The following SORCS3 variants were observed in gnomAD, a reference collection of about 807,000 sequenced individuals.
SORCS3 encodes VPS10 domain-containing receptor SorCS3.
In SORCS3, 57 loss-of-function variants were observed where a neutral mutation model predicts 146.3. That is an observed-to-expected ratio of 0.39 (90% confidence interval 0.31 to 0.49). The LOEUF (loss-of-function observed/expected upper bound fraction) is 0.49. Among genes scored for constraint, SORCS3 ranks in the 20% least tolerant of loss-of-function variants. The pLI is 0.92. For missense variants in SORCS3, 1,341 were observed against 1,575.5 expected (o/e 0.85, Z 2.52); for synonymous variants, 653 against 618.5 (o/e 1.06, Z -0.83).
At chr10:104,680,281 A>G (rs1014006964) in intron 1 of SORCS3, among the ~76,000 whole-genome samples, 1 of 152,218 alleles carries the variant, frequency 6.6e-6, no homozygotes, top group Admixed American at 6.5e-5. Context: ...GCAAGCACAT[A>G]AAACAGCATT....
chr10:105,002,391 T>C (rs370063441), intron 4 of SORCS3, among the ~76,000 whole-genome samples: 1 of 152,198 alleles, frequency 6.6e-6, no homozygotes, highest in African/African-American at 2.4e-5. Flanking sequence ...TGACTTGTGA[T>C]GGCAGTAACC....
intron 3 of SORCS3, among the ~76,000 whole-genome samples, chr10:104,973,181 C>CT (rs2054871522): frequency 6.6e-6 from 1 of 152,118 alleles, no homozygotes; most frequent in South Asian, 2.1e-4. Context: ...CTCTGCCCAG[C>CT]TTTGGTATGA....
chr10:104,771,096 C>A (rs551354728), intron 1 of SORCS3, among the ~76,000 whole-genome samples: 1 of 152,232 alleles, frequency 6.6e-6, no homozygotes, highest in East Asian at 1.9e-4. Context: ...CCATGTTGGA[C>A]AGTGTAGGTC....
chr10:105,182,992 A>G (rs889942367), intron 14 of SORCS3, among the ~76,000 whole-genome samples: 9 of 152,156 alleles, frequency 5.9e-5, no homozygotes, highest in Non-Finnish European at 1.5e-5. Context: ...CACATGTGCC[A>G]GTGCGCCTGG....
At chr10:105,012,753 T>C (rs2055142684) in intron 4 of SORCS3, among the ~76,000 whole-genome samples, 1 of 152,154 alleles carries the variant, frequency 6.6e-6, no homozygotes, top group African/African-American at 2.4e-5. Flanking sequence ...AGATGCCTAG[T>C]GGACACTATG....
intron 1 of SORCS3, among the ~76,000 whole-genome samples, chr10:104,654,008 A>T (rs566940873): frequency 6.6e-6 from 1 of 151,728 alleles, no homozygotes; most frequent in Non-Finnish European, 1.5e-5. Flanking sequence ...GCATGGGTTC[A>T]GTTGTTTTCA....
intron 5 of SORCS3, 85 bp from the exon 6 acceptor site, chr10:105,089,690 G>A (rs1428563366): frequency 2.0e-6 from 2 of 1,016,474 alleles, no homozygotes; most frequent in Non-Finnish European, 3.1e-6. Flanking sequence ...GGATTTCTGA[G>A]TAGCAGTTGG....
At chr10:105,137,351 A>G (rs148692680) in intron 7 of SORCS3, among the ~76,000 whole-genome samples, 133 of 152,282 alleles carry the variant, frequency 8.7e-4, no homozygotes, top group African/African-American at 3.1e-3. Flanking sequence ...AAGCTTTGTC[A>G]TCAGGTATAA....
intron 5 of SORCS3, among the ~76,000 whole-genome samples, chr10:105,061,920 G>T (rs1269322583): frequency 6.6e-6 from 1 of 152,116 alleles, no homozygotes; most frequent in Non-Finnish European, 1.5e-5. Flanking sequence ...TAATGAGGTG[G>T]CTGTCATCAG....
intron 5 of SORCS3, among the ~76,000 whole-genome samples, chr10:105,060,081 C>T (rs1589613505): frequency 1.3e-5 from 2 of 152,128 alleles, no homozygotes; most frequent in African/African-American, 4.8e-5. Flanking sequence ...GAGACAGATA[C>T]AGCCTGTGAT....
intron 7 of SORCS3, among the ~76,000 whole-genome samples, chr10:105,129,662 T>TAC (rs71022754): frequency 0.033 from 4,930 of 147,988 alleles, 170 homozygotes; most frequent in African/African-American, 0.089. Context: ...CCCACTCAAA[T>TAC]ACACACACAC....
chr10:105,021,356 A>C (rs1411881458), intron 4 of SORCS3, among the ~76,000 whole-genome samples: 2 of 152,158 alleles, frequency 1.3e-5, no homozygotes, highest in Non-Finnish European at 2.9e-5. Flanking sequence ...ATGAGAGTGG[A>C]ACCCTTATGA....
intron 1 of SORCS3, among the ~76,000 whole-genome samples, chr10:104,744,979 G>A (rs139852570): frequency 2.6e-5 from 4 of 152,306 alleles, no homozygotes; most frequent in Middle Eastern, 3.4e-3. Context: ...TGTGTTTATC[G>A]TAATTAGTGC....
chr10:104,723,119 G>A (rs1305027474), intron 1 of SORCS3, among the ~76,000 whole-genome samples: 6 of 152,204 alleles, frequency 3.9e-5, no homozygotes, highest in Non-Finnish European at 5.9e-5. Flanking sequence ...GGCATTCAGT[G>A]CTATAAATTT....
At chr10:104,654,123 A>G (rs942953515) in intron 1 of SORCS3, among the ~76,000 whole-genome samples, 12 of 152,144 alleles carry the variant, frequency 7.9e-5, no homozygotes, top group African/African-American at 2.7e-4. Context: ...GTTTTTGCAA[A>G]TGACTGAATC....
chr10:104,854,845 A>G (rs1308213713), intron 2 of SORCS3, among the ~76,000 whole-genome samples: 1 of 152,134 alleles, frequency 6.6e-6, no homozygotes, highest in African/African-American at 2.4e-5. Flanking sequence ...ACTTTTCTTC[A>G]TTTAGCATAA....
intron 1 of SORCS3, among the ~76,000 whole-genome samples, chr10:104,746,617 G>A (rs1367821994): frequency 6.6e-6 from 1 of 152,136 alleles, no homozygotes; most frequent in Non-Finnish European, 1.5e-5. Context: ...TATTCCTCCA[G>A]TCTAGCTGAA....
intron 1 of SORCS3, among the ~76,000 whole-genome samples, chr10:104,760,787 C>A (rs1385690186): frequency 6.6e-6 from 1 of 152,104 alleles, no homozygotes; most frequent in Non-Finnish European, 1.5e-5. Flanking sequence ...GTATGAGTCT[C>A]TTGATTCAGA....
intron 7 of SORCS3, among the ~76,000 whole-genome samples, chr10:105,120,111 G>A (rs1374149557): frequency 1.3e-5 from 2 of 152,040 alleles, no homozygotes; most frequent in Admixed American, 6.5e-5. Context: ...TCATGGGGGC[G>A]GTTGCCCTCA....
Sources: gnomAD v4.1 joint callset for allele counts (sites outside exome capture counted in the v4.1 genomes callset) on GRCh38, gnomAD v4.1.1 for gene constraint, MANE v1.5 for transcripts, NCBI Gene and HGNC (gene_info 2026-07-23, HGNC 2026-07-21) for gene names.